The following ARHGAP31 variants were observed in gnomAD, a reference collection of about 807,000 sequenced individuals.
ARHGAP31 encodes the protein Rho GTPase activating protein 31.
A neutral mutation model predicts 113.9 loss-of-function variants in ARHGAP31; 34 were observed. That is an observed-to-expected ratio of 0.30 (90% confidence interval 0.23 to 0.40). ARHGAP31 has a LOEUF of 0.40. ARHGAP31 is among the 10% of genes least tolerant of loss of function. The pLI is 1.00. For synonymous variants in ARHGAP31, 650 were observed against 684.8 expected, an observed-to-expected ratio of 0.95 and a Z score of 0.79; for missense variants, 1,548 against 1,767.1, an observed-to-expected ratio of 0.88 and a Z score of 2.22.
chr3:119,332,633 TCTCACACACACA>T (rs1273299069), intron 1 of ARHGAP31, among the ~76,000 whole-genome samples: 162 of 61,558 alleles, frequency 2.6e-3, no homozygotes, highest in African/African-American at 8.0e-3. Context: ...TCTCTCTCTC[TCTCACACACACA>T]CACACACACA....
intron 1 of ARHGAP31, among the ~76,000 whole-genome samples, chr3:119,346,724 AG>A (rs1325262368): frequency 2.0e-5 from 3 of 152,242 alleles, no homozygotes; most frequent in African/African-American, 7.2e-5. Flanking sequence ...AAAGAAGCCC[AG>A]GTACTTAAGC....
At chr3:119,383,276 C>T in intron 6 of ARHGAP31, 50 bp downstream of exon 6, 1 of 1,609,286 alleles carries the variant, frequency 6.2e-7, no homozygotes, top group Non-Finnish European at 8.5e-7. Context: ...TTCTTTCTTG[C>T]AACTAGTGGT....
chr3:119,368,120 C>T (rs1209080153), intron 2 of ARHGAP31, among the ~76,000 whole-genome samples: 1 of 152,128 alleles, frequency 6.6e-6, no homozygotes. Context: ...GACCTGATGC[C>T]ACGGGTAATC....
intron 2 of ARHGAP31, among the ~76,000 whole-genome samples, chr3:119,367,722 G>A (rs1553764092): frequency 6.6e-6 from 1 of 152,058 alleles, no homozygotes; most frequent in Non-Finnish European, 1.5e-5. Flanking sequence ...GCCGGGTATG[G>A]TGGCGGGCGC....
chr3:119,362,865 A>T (rs1325579937), intron 1 of ARHGAP31, among the ~76,000 whole-genome samples: 1 of 152,156 alleles, frequency 6.6e-6, no homozygotes, highest in Non-Finnish European at 1.5e-5. Flanking sequence ...GGGAAGAGGC[A>T]AGCTGTGTTT....
In ARHGAP31 at chr3:119,294,846, C is replaced by G; in HGVS notation, c.-59C>G. The G allele has an allele frequency of 6.6e-7, 1 of 1,505,212 alleles. No individual in the cohort carries two copies. The highest frequency in any genetic ancestry group is 9.2e-7 in the Non-Finnish European group (1 of 1,081,906). 93.2% of individuals were successfully genotyped at this position (1,505,212 alleles called of 1,614,324 possible). ...TGATCTAGCCCGGGAGCCCATCTTACAGCGGTGCCAAGCAGAGGGGCGGCA... is the reference window on the plus strand; with the variant it reads ...TGATCTAGCCCGGGAGCCCATCTTAGAGCGGTGCCAAGCAGAGGGGCGGCA... On this transcript the variant is annotated 5_prime_UTR_variant, in exon 1 of 12. Coordinates refer to ENST00000264245, the MANE Select transcript of ARHGAP31 (RefSeq NM_020754.4).
chr3:119,374,109 G>C (rs1381751947), intron 3 of ARHGAP31, among the ~76,000 whole-genome samples: 1 of 152,158 alleles, frequency 6.6e-6, no homozygotes, highest in Non-Finnish European at 1.5e-5. Context: ...TGGTTTGGAG[G>C]CTTGTCCCCT....
chr3:119,335,076 C>T (rs1010686525), intron 1 of ARHGAP31, among the ~76,000 whole-genome samples: 6 of 143,560 alleles, frequency 4.2e-5, no homozygotes, highest in Non-Finnish European at 9.1e-5. Flanking sequence ...ATTCATTTTC[C>T]CATGGGAAAA....
At chr3:119,370,019 C>A (rs1273143506) in intron 3 of ARHGAP31, among the ~76,000 whole-genome samples, 1 of 151,940 alleles carries the variant, frequency 6.6e-6, no homozygotes. Flanking sequence ...TAAATGTTGA[C>A]CTCTAGAGAA....
intron 10 of ARHGAP31, among the ~76,000 whole-genome samples, chr3:119,407,898 A>G (rs1559996027): frequency 6.6e-6 from 1 of 152,250 alleles, no homozygotes; most frequent in Non-Finnish European, 1.5e-5. Flanking sequence ...AACCAATCAC[A>G]GATCAAAATT....
At chr3:119,395,239 G>A (rs2080540133) in intron 8 of ARHGAP31, among the ~76,000 whole-genome samples, 2 of 152,288 alleles carry the variant, frequency 1.3e-5, no homozygotes, top group East Asian at 1.9e-4. Context: ...AGAAACCTTC[G>A]TGTTTGCCTG....
intron 1 of ARHGAP31, among the ~76,000 whole-genome samples, chr3:119,336,672 C>T (rs1438430269): frequency 6.6e-6 from 1 of 150,776 alleles, no homozygotes; most frequent in Non-Finnish European, 1.5e-5. Flanking sequence ...TAACATACCA[C>T]ACAGCCACCT....
At chr3:119,383,925 TGAG>T (rs2080425399) in intron 6 of ARHGAP31, among the ~76,000 whole-genome samples, 1 of 152,196 alleles carries the variant, frequency 6.6e-6, no homozygotes, top group South Asian at 2.1e-4. Flanking sequence ...CGAAATTACC[TGAG>T]GAGTTTGTTA....
intron 3 of ARHGAP31, among the ~76,000 whole-genome samples, chr3:119,378,710 G>GGCTCCCCA (rs370672108): frequency 3.4e-3 from 519 of 152,142 alleles, no homozygotes; most frequent in African/African-American, 0.012. Context: ...TTGGCTCCCC[G>GGCTCCCCA]GCTCCCCAGC....
intron 1 of ARHGAP31, among the ~76,000 whole-genome samples, chr3:119,323,238 C>G (rs2079809059): frequency 6.6e-6 from 1 of 152,182 alleles, no homozygotes; most frequent in Admixed American, 6.5e-5. Context: ...TTGGCGCCCG[C>G]CCGCGCGGCC....
In ARHGAP31 at chr3:119,313,124, T is replaced by C. The variant is rs530917123; in HGVS notation, c.100+18120T>C. Among the ~76,000 whole-genome samples the C allele has an allele frequency of 7.2e-5, 11 of 152,322 alleles. No individual in the cohort carries two copies. In the East Asian group the frequency reaches 2.1e-3, roughly 29 times the overall value. The stretch of plus-strand genomic sequence containing the variant: ...GAATGGATGGTTTTTAAAGTGTTAA[T>C]TATTTTTCAAATCAGATATCACATT... On this transcript the variant is annotated intron_variant, in intron 1 of 11. Coordinates refer to ENST00000264245, the MANE Select transcript of ARHGAP31 (RefSeq NM_020754.4).
rs149658506 is a variant in ARHGAP31, at chr3:119,415,731, G to A, written c.3802G>A (p.Gly1268Arg). ...GGAAGAAAAACCAAAGCAAGATCCCGGAGCCATTAAGTCCTCACCAGTGGA... is the reference window on the plus strand; with the variant it reads ...GGAAGAAAAACCAAAGCAAGATCCCAGAGCCATTAAGTCCTCACCAGTGGA... ...SKEEKPKQDP[G>R]AIKSSPVDAT... is the part of the protein sequence containing the mutation. Residue 1268 changes from glycine (G) to arginine (R), a missense_variant, in exon 12 of 12, where the codon GGA (glycine) becomes AGA (arginine). Physicochemically the swap from Gly to Arg is moderately radical, Grantham distance 125. Transcript: ENST00000264245. The A allele has an allele frequency of 9.8e-4, 1,583 of 1,614,088 alleles. No individual in the cohort carries two copies. The highest frequency in any genetic ancestry group is 1.2e-3 in the Non-Finnish European group (1,446 of 1,179,998).
chr3:119,332,121 C>A (rs1009454268), intron 1 of ARHGAP31, among the ~76,000 whole-genome samples: 1 of 152,056 alleles, frequency 6.6e-6, no homozygotes, highest in African/African-American at 2.4e-5. Context: ...CAGGTTAAAT[C>A]TGCCAGCTCC....
chr3:119,372,262 A>G (rs2080304463), intron 3 of ARHGAP31, among the ~76,000 whole-genome samples: 1 of 149,154 alleles, frequency 6.7e-6, no homozygotes, highest in Non-Finnish European at 1.5e-5. Context: ...CAACCTCACC[A>G]GCATCTGTTA....
Sources: allele counts gnomAD v4.1 joint callset (sites outside exome capture counted in the v4.1 genomes callset), GRCh38; gene constraint gnomAD v4.1.1; transcripts MANE v1.5; gene names NCBI Gene and HGNC (gene_info 2026-07-23, HGNC 2026-07-21).